USP6: variants seen among roughly 807,000 people sequenced by gnomAD.
USP6 encodes the protein ubiquitin specific peptidase 6.
Under a neutral mutation model 175.7 loss-of-function variants are expected in USP6, and 128 were observed. That is an observed-to-expected ratio of 0.73 (90% confidence interval 0.63 to 0.84). The LOEUF (loss-of-function observed/expected upper bound fraction) is 0.84, where lower values mean the gene tolerates loss of function less well. Among genes scored for constraint, USP6 ranks in the 40% least tolerant of loss-of-function variants. The pLI, the probability that USP6 is intolerant of heterozygous loss-of-function variation, is 0.00. For missense variants in USP6, 1,498 were observed against 1,760.3 expected (o/e 0.85, Z 2.67); for synonymous variants, 562 against 630.6 (o/e 0.89, Z 1.63).
At chr17:5,143,382 A>G (rs1490672872) in intron 25 of USP6, among the ~76,000 whole-genome samples, 3 of 152,236 alleles carry the variant, frequency 2.0e-5, no homozygotes, top group Non-Finnish European at 4.4e-5. Context: ...AAGTAAACAT[A>G]GGAGACTTTT....
chr17:5,157,195 C>T (rs540699678), intron 31 of USP6, among the ~76,000 whole-genome samples: 17 of 152,068 alleles, frequency 1.1e-4, no homozygotes, highest in African/African-American at 1.7e-4. Context: ...AAGTGATTCT[C>T]CTGCCTCAGC....
intron 4 of USP6, among the ~76,000 whole-genome samples, chr17:5,123,832 TAC>T (rs1345661316): frequency 6.6e-6 from 1 of 151,346 alleles, no homozygotes; most frequent in East Asian, 2.0e-4. Flanking sequence ...CATGCACACA[TAC>T]AGAGTTGGTT....
At chr17:5,130,889 G>T (rs1220776126) in intron 11 of USP6, among the ~76,000 whole-genome samples, 3 of 152,324 alleles carry the variant, frequency 2.0e-5, no homozygotes, top group African/African-American at 7.2e-5. Flanking sequence ...CCCAACTAGG[G>T]AGCTGGTGGG....
chr17:5,152,451 G>A (rs985341772), intron 30 of USP6, among the ~76,000 whole-genome samples: 6 of 152,144 alleles, frequency 3.9e-5, no homozygotes, highest in Non-Finnish European at 7.4e-5. Flanking sequence ...TTAAAGATAA[G>A]CAGTTCTACC....
At chr17:5,145,924 T>G in intron 27 of USP6, 99 bp from the exon 28 acceptor site, 1 of 1,390,258 alleles carries the variant, frequency 7.2e-7, no homozygotes, top group Middle Eastern at 2.6e-4. Flanking sequence ...GCTGAAATAT[T>G]TGCTATTATA....
At chr17:5,162,052 G>A (rs2074014587) in intron 32 of USP6, among the ~76,000 whole-genome samples, 1 of 152,178 alleles carries the variant, frequency 6.6e-6, no homozygotes, top group Non-Finnish European at 1.5e-5. Context: ...CAATAGATAA[G>A]TTTTGCTTTT....
At position 5,148,659 on chromosome 17, in the gene USP6, G is replaced by A. The variant is rs745851808; in HGVS notation, c.2535G>A (p.Val845=). ...CCAATGGAATGCCAAACACTGTTGT[G>A]CCATGTGGAACTGAGAAGAACTTCA... The part of the protein sequence containing the change: ...FIPNGMPNTV[V]PCGTEKNFTN... The change falls in exon 30 of 38, where the codon GTG becomes GTA. Residue 845 remains valine, a synonymous_variant. Transcript: ENST00000574788. 5.6e-6 allele frequency: 9 copies of A among 1,613,876 alleles called. No homozygotes were observed. The Admixed American group carries it at 1.5e-4, about 27-fold the overall frequency.
At chr17:5,138,518 CT>C (rs1318064069) in intron 21 of USP6, among the ~76,000 whole-genome samples, 1 of 152,152 alleles carries the variant, frequency 6.6e-6, no homozygotes, top group Non-Finnish European at 1.5e-5. Flanking sequence ...AACAAGCCCC[CT>C]CCCACTTTCC....
rs975811124 is a variant in USP6, at chr17:5,174,219, ATAT to A, written c.*1246_*1248del. ...ATTTAAGATTGGAACAAAAGTATAA[ATAT>A]TATTTATTTGAGGTAGAATTTTTTT... is the stretch of plus-strand genomic sequence containing the variant. On this transcript the variant is annotated 3_prime_UTR_variant, in exon 38 of 38. Transcript: ENST00000574788. The A allele has an allele frequency of 1.5e-4, 29 of 191,154 alleles. No individual in the cohort carries two copies. Among genetic ancestry groups the A allele is most frequent in the Non-Finnish European group, 5.5e-5 (5 of 90,928 alleles). 11.8% of individuals were successfully genotyped at this position (191,154 alleles called of 1,614,324 possible).
chr17:5,172,763 A>G, intron 37 of USP6, 42 bp from the exon 38 acceptor site: 4 of 1,609,704 alleles, frequency 2.5e-6, no homozygotes, highest in Non-Finnish European at 3.4e-6. Flanking sequence ...TAGAGTCATA[A>G]TAGTGATGGC....
chr17:5,159,879 C>T (rs2073969155), intron 31 of USP6, among the ~76,000 whole-genome samples: 1 of 151,318 alleles, frequency 6.6e-6, no homozygotes, highest in South Asian at 2.1e-4. Context: ...GGGAGGATCA[C>T]CTGAGCCCAG....
chr17:5,163,035 G>A, intron 33 of USP6, 31 bp downstream of exon 33: 1 of 1,510,298 alleles, frequency 6.6e-7, no homozygotes, highest in Middle Eastern at 1.8e-4. Flanking sequence ...TAAAATGGTG[G>A]TTTTTATATG....
chr17:5,161,473 T>C, intron 31 of USP6, 55 bp from the exon 32 acceptor site: 3 of 1,575,732 alleles, frequency 1.9e-6, no homozygotes, highest in Non-Finnish European at 1.7e-6. Context: ...TGAAAAGGAG[T>C]TGGACCTCGA....
At chr17:5,141,602 GTAAT>G in intron 23 of USP6, 103 bp downstream of exon 23, 1 of 1,008,186 alleles carries the variant, frequency 9.9e-7, no homozygotes, top group South Asian at 1.8e-5. Context: ...TAGTTCAAAA[GTAAT>G]TAGGGCCCTT....
At chr17:5,167,874 A>G (rs2074127107) in intron 33 of USP6, 58 bp from the exon 34 acceptor site, 2 of 1,556,504 alleles carry the variant, frequency 1.3e-6, no homozygotes, top group Admixed American at 1.8e-5. Context: ...GCATAGCTAG[A>G]TCACCAGTTT....
chr17:5,171,828 G>A (rs2074225097), intron 37 of USP6, 149 bp downstream of exon 37: 3 of 922,286 alleles, frequency 3.3e-6, no homozygotes, highest in African/African-American at 3.4e-5. Context: ...GAACAAAAGT[G>A]ATATGCAGAG....
Position 5,168,126 on chromosome 17 carries a change from A to C in USP6, c.3228+3A>C. 1.9e-6 allele frequency: 3 copies of C among 1,603,508 alleles called. No individual in the cohort carries two copies. Among genetic ancestry groups the C allele is most frequent in the Non-Finnish European group, 2.6e-6 (3 of 1,173,016 alleles). On this transcript the variant is annotated splice_donor_region_variant and intron_variant, in intron 34 of 37. Coordinates refer to ENST00000574788, the MANE Select transcript of USP6 (RefSeq NM_001304284.2). ...TCTGGAGGCTTCCACCCTTCCTGGT[A>C]TGTTACGGTCCTGCCTCTGAGAGAG...
At chr17:5,137,947 A>C (rs979729298) in intron 20 of USP6, among the ~76,000 whole-genome samples, 174 bp from the exon 21 acceptor site, 22 of 152,004 alleles carry the variant, frequency 1.4e-4, no homozygotes, top group Admixed American at 9.8e-4. Context: ...GAGTGTGGTG[A>C]GCACTTCCCT....
rs1280785040 is a variant in USP6 at position 5,130,250 on chromosome 17, C to T, written c.-1-117C>T. On this transcript the variant is annotated intron_variant, in intron 9 of 37. Transcript: ENST00000574788. ...GGTTTGGCCCCTTTTTACCGGAGTG[C>T]AGTGGTGGAATGAAGGTTATACAAC... 4.2e-6 allele frequency: 4 copies of T among 944,842 alleles called. No individual in the cohort carries two copies. In the Admixed American group the frequency reaches 7.5e-5, roughly 18 times the overall value. 58.5% of individuals were successfully genotyped at this position (944,842 alleles called of 1,614,324 possible).
Sources: allele counts gnomAD v4.1 joint callset (sites outside exome capture counted in the v4.1 genomes callset), GRCh38; gene constraint gnomAD v4.1.1; transcripts MANE v1.5; gene names NCBI Gene and HGNC (gene_info 2026-07-23, HGNC 2026-07-21).